RFC5: variants seen among roughly 807,000 people sequenced by gnomAD.
RFC5 encodes A1 36 kDa subunit.
In RFC5, 26 loss-of-function variants were observed where a neutral mutation model predicts 44.3. The ratio of observed to expected loss-of-function variants is 0.59; its 90% CI spans 0.43 to 0.81. RFC5 has a LOEUF of 0.81. RFC5 is among the 40% of genes least tolerant of loss of function. RFC5 has a pLI of 0.00. For synonymous variants in RFC5, 155 were observed against 155.2 expected (o/e 1.00, Z 0.01); for missense variants, 328 against 418.6 (o/e 0.78, Z 1.89).
chr12:118,019,671 T>C lies in RFC5; in HGVS notation c.170T>C (p.Leu57Pro), dbSNP rs1401102703. Residue 57 changes from leucine to proline, a missense_variant, in exon 3 of 11, where the codon CTT becomes CCT. Transcript: ENST00000454402. The surrounding 1 kb of genome is among the most constrained non-coding windows in gnomAD (Gnocchi z 4.2). Reference sequence around the variant, plus strand: ...AATGAAGACCGACTGCCACACTTGCTTCTCTACGGTCCCCCAGGGACAGGC... The same window carrying C: ...AATGAAGACCGACTGCCACACTTGCCTCTCTACGGTCCCCCAGGGACAGGC... ...FINEDRLPHL[L>P]LYGPPGTGKT... 2 of 1,614,036 alleles carry C rather than the reference T, an allele frequency of 1.2e-6. No individual in the cohort carries two copies. Among genetic ancestry groups the C allele is most frequent in the African/African-American group, 2.7e-5 (2 of 74,930 alleles).
At chr12:118,026,332 GTGGC>G (rs1441729755) in intron 7 of RFC5, among the ~76,000 whole-genome samples, 1 of 152,120 alleles carries the variant, frequency 6.6e-6, no homozygotes. Context: ...GCCAGGTATG[GTGGC>G]TCACGCCTGT....
Position 118,027,985 on chromosome 12 carries a change from G to T in RFC5, c.826G>T (p.Ala276Ser). The T allele has an allele frequency of 1.2e-6, 2 of 1,610,420 alleles. No individual in the cohort carries two copies. The highest frequency in any genetic ancestry group is 1.7e-6 in the Non-Finnish European group (2 of 1,177,000). The change falls in exon 9 of 11, where the codon GCA becomes TCA. Residue 276 changes from alanine (A) to serine (S), a missense_variant. By Grantham distance (99) the Ala-to-Ser change is moderately conservative. Coordinates refer to ENST00000454402, the MANE Select transcript of RFC5 (RefSeq NM_007370.7). ...ITELKTLKGL[A>S]LHDILTEIHL... ...AGAGTTGAAAACTCTGAAGGGGTTG[G>T]CACTGCATGATATCCTGACAGAGAT...
In RFC5 at chr12:118,022,274, T is replaced by C. The variant is rs200525585; in HGVS notation, c.348-12T>C. The C allele has an allele frequency of 1.2e-6, 2 of 1,609,080 alleles. No individual in the cohort carries two copies. The highest frequency in any genetic ancestry group is 1.7e-6 in the Non-Finnish European group (2 of 1,175,466). On this transcript the variant is annotated splice_polypyrimidine_tract_variant and intron_variant, in intron 4 of 10. Coordinates refer to ENST00000454402, the MANE Select transcript of RFC5 (RefSeq NM_007370.7). ...TGAAGAAATCTTTAGACAGCACCATTTGTTTTTCTAGGAAAGGCTTTAAGC... is the reference window on the plus strand; with the variant it reads ...TGAAGAAATCTTTAGACAGCACCATCTGTTTTTCTAGGAAAGGCTTTAAGC...
the RFC5 span, chr12:118,038,304 G>A: frequency 6.2e-7 from 1 of 1,613,540 alleles, no homozygotes; most frequent in South Asian, 1.1e-5. Context: ...CTCTCCAGCT[G>A]CAGAGCACAG....
At chr12:118,027,292 A>G in intron 8 of RFC5, 2 of 393,266 alleles carry the variant, frequency 5.1e-6, no homozygotes, top group Non-Finnish European at 4.7e-6. Context: ...GGCATTGAAG[A>G]TGCAGGAATT....
chr12:118,016,887 G>T lies in RFC5; in HGVS notation c.60G>T (p.Leu20=), dbSNP rs1248858817. 1 of 1,613,256 alleles carries T rather than the reference G, an allele frequency of 6.2e-7. No individual in the cohort carries two copies. The highest frequency in any genetic ancestry group is 1.3e-5 in the African/African-American group (1 of 75,018). The stretch of plus-strand genomic sequence containing the variant: ...CCGCGGCGACCAAGATCAGGAACCT[G>T]CCCTGGTAGGAGGAGGCCGAGCGGC... ...EQPAATKIRN[L]PWVEKYRPQT... Residue 20 remains leucine, a synonymous_variant, in exon 1 of 11, where the codon CTG becomes CTT. Transcript: ENST00000454402.
chr12:118,024,212 G>A (rs1487010192), intron 5 of RFC5, among the ~76,000 whole-genome samples: 6 of 151,836 alleles, frequency 4.0e-5, no homozygotes, highest in East Asian at 2.0e-4. Context: ...GTGGTGGCAC[G>A]TGTCTGTAGT....
downstream of RFC5, chr12:118,036,301 C>T: frequency 6.3e-7 from 1 of 1,596,936 alleles, no homozygotes; most frequent in South Asian, 1.1e-5. Context: ...TCATCAGTCC[C>T]CCCACAAAAA....
the RFC5 span, among the ~76,000 whole-genome samples, chr12:118,041,323 CAG>C: frequency 6.6e-6 from 1 of 152,158 alleles, no homozygotes; most frequent in Non-Finnish European, 1.5e-5. Context: ...GATGAGGATG[CAG>C]AGAGAAGGTG....
In RFC5 at chr12:118,019,020, A is replaced by G. The variant is rs5745811; in HGVS notation, c.66-52A>G. The G allele has an allele frequency of 0.1, 135,687 of 1,352,776 alleles. 7,463 individuals carry two copies. The highest frequency in any genetic ancestry group is 0.15 in the African/African-American group (10,201 of 69,880). 83.8% of individuals were successfully genotyped at this position (1,352,776 alleles called of 1,614,324 possible). On this transcript the variant is annotated intron_variant, in intron 1 of 10. Transcript: ENST00000454402. This position sits in a 1 kb window ranked among gnomAD's most constrained non-coding sequence, Gnocchi z 4.2. ...GACCTGCAAGGATTCTTTTGCACAT[A>G]AAATATTCTTGCATTTATATATGTC...
At chr12:118,022,906 C>T (rs891863699) in intron 5 of RFC5, among the ~76,000 whole-genome samples, 8 of 152,174 alleles carry the variant, frequency 5.3e-5, no homozygotes, top group East Asian at 1.9e-4. Context: ...ACCTCTGTAG[C>T]GGGACTTCCC....
At chr12:118,026,752 G>A in intron 7 of RFC5, 137 bp from the exon 8 acceptor site, 1 of 856,966 alleles carries the variant, frequency 1.2e-6, no homozygotes, top group Non-Finnish European at 1.8e-6. Context: ...GAATATGTGG[G>A]TTCCCACTGC....
At chr12:118,036,268 A>T, downstream of RFC5, 1 of 1,517,744 alleles carries the variant, frequency 6.6e-7, no homozygotes, top group Non-Finnish European at 9.0e-7. Context: ...TAAAAGAGAC[A>T]TGTCTAATCC....
chr12:118,018,047 A>G, intron 1 of RFC5: 1 of 701,248 alleles, frequency 1.4e-6, no homozygotes, highest in Non-Finnish European at 2.6e-6. Context: ...TATTCTGGAC[A>G]TTTCATGTAA....
At chr12:118,024,471 G>A (rs566380785) in intron 5 of RFC5, among the ~76,000 whole-genome samples, 11 of 151,808 alleles carry the variant, frequency 7.2e-5, no homozygotes, top group South Asian at 2.1e-4. Context: ...TGTTGCCCAC[G>A]CTGGAGTGCA....
At position 118,031,669 on chromosome 12, in the gene RFC5, T is replaced by C. The variant is rs2031330786; in HGVS notation, c.*391T>C. ...GTGTCTTCCTACTCAAGGTAAACAT[T>C]ATCTCCAAAATTACATTTATGATTC... On this transcript the variant is annotated 3_prime_UTR_variant, in exon 11 of 11. Coordinates refer to ENST00000454402, the MANE Select transcript of RFC5 (RefSeq NM_007370.7). 6.5e-6 allele frequency: 1 copy of C among 153,630 alleles called. No individual in the cohort carries two copies. The highest frequency in any genetic ancestry group is 1.9e-4 in the East Asian group (1 of 5,266). 9.5% of individuals were successfully genotyped at this position (153,630 alleles called of 1,614,324 possible). A position where few individuals can be genotyped will look rare whatever the true frequency, so the allele number is the denominator to read the frequency against.
chr12:118,027,712 T>C (rs2031049195), intron 8 of RFC5, among the ~76,000 whole-genome samples: 1 of 151,446 alleles, frequency 6.6e-6, no homozygotes. Flanking sequence ...AAAACGCAGT[T>C]GGCTTTATTC....
intron 7 of RFC5, 107 bp downstream of exon 7, chr12:118,025,935 G>T: frequency 7.4e-6 from 5 of 678,192 alleles, no homozygotes; most frequent in Non-Finnish European, 1.3e-5. Context: ...TGCAACCTCC[G>T]CCTCCTGGGT....
At chr12:118,024,112 C>T (rs552381619) in intron 5 of RFC5, among the ~76,000 whole-genome samples, 37 of 151,996 alleles carry the variant, frequency 2.4e-4, no homozygotes, top group African/African-American at 8.4e-4. Flanking sequence ...AAGGCCAAGG[C>T]GGGCGAATCA....
Sources: gnomAD v4.1 joint callset for allele counts (sites outside exome capture counted in the v4.1 genomes callset) on GRCh38, gnomAD v4.1.1 for gene constraint, Gnocchi (gnomAD v3.1) non-coding constraint, MANE v1.5 for transcripts, NCBI Gene and HGNC (gene_info 2026-07-23, HGNC 2026-07-21) for gene names.